The following RABIF variants were observed in gnomAD, a reference collection of about 807,000 sequenced individuals.
RABIF encodes the protein guanine nucleotide exchange factor MSS4.
A neutral mutation model predicts 12.3 loss-of-function variants in RABIF; 13 were observed. The ratio of observed to expected loss-of-function variants is 1.06; its 90% CI spans 0.69 to 1.68. The LOEUF is 1.68. RABIF is among the 40% of genes most tolerant of loss of function. The pLI is 0.00. For synonymous variants in RABIF, 70 were observed against 63.3 expected, an observed-to-expected ratio of 1.11 and a Z score of -0.50; for missense variants, 153 against 158.0, an observed-to-expected ratio of 0.97 and a Z score of 0.17.
At chr1:202,881,795 G>A (rs766724714) in intron 1 of RABIF, among the ~76,000 whole-genome samples, 33 of 152,182 alleles carry the variant, frequency 2.2e-4, no homozygotes, top group Non-Finnish European at 4.6e-4. Flanking sequence ...TAGTTTCCCC[G>A]GCTCATTATG....
chr1:202,888,928 C>T (rs769407612), intron 1 of RABIF, 45 bp downstream of exon 1: 9 of 1,477,766 alleles, frequency 6.1e-6, no homozygotes, highest in Admixed American at 2.6e-5. Context: ...GGCGGCTCGT[C>T]GGGGGAGACT....
At chr1:202,885,686 A>G (rs2102397300) in intron 1 of RABIF, among the ~76,000 whole-genome samples, 1 of 152,392 alleles carries the variant, frequency 6.6e-6, no homozygotes, top group East Asian at 1.9e-4. Context: ...AATGTGTGAC[A>G]CAGAGCAGGG....
chr1:202,884,981 G>A (rs1387319234), intron 1 of RABIF, among the ~76,000 whole-genome samples: 1 of 151,704 alleles, frequency 6.6e-6, no homozygotes, highest in African/African-American at 2.4e-5. Flanking sequence ...CCAGCTACTC[G>A]GGAGGCTGAG....
At chr1:202,887,020 CTA>C (rs1198730734) in intron 1 of RABIF, among the ~76,000 whole-genome samples, 9 of 93,974 alleles carry the variant, frequency 9.6e-5, no homozygotes, top group African/African-American at 6.8e-5. Context: ...CAGGTGTGGG[CTA>C]TGTTTTGTTT....
rs1571503289 is a variant in RABIF, at chr1:202,880,700, G to C, written c.*278C>G. On this transcript the variant is annotated 3_prime_UTR_variant, in exon 2 of 2. Coordinates refer to ENST00000367262, the MANE Select transcript of RABIF (RefSeq NM_002871.5). ...AAAACAGAGCCTAGGGAGAATGCCAGGGAAGAGATGAGATTTTTGGAGGTA... is the reference window on the plus strand; with the variant it reads ...AAAACAGAGCCTAGGGAGAATGCCACGGAAGAGATGAGATTTTTGGAGGTA... 18 of 1,165,878 alleles carry C rather than the reference G, an allele frequency of 1.5e-5. No homozygotes were observed. In the East Asian group the frequency reaches 6.3e-4, roughly 41 times the overall value. The allele number at this position is 1,165,878 out of a possible 1,614,324, so 72.2% of individuals were successfully genotyped here. A position where few individuals can be genotyped will look rare whatever the true frequency, so the allele number is the denominator to read the frequency against.
intron 1 of RABIF, among the ~76,000 whole-genome samples, chr1:202,883,266 A>C (rs1181306763): frequency 6.6e-6 from 1 of 152,154 alleles, no homozygotes; most frequent in Non-Finnish European, 1.5e-5. Context: ...TCCTGGGCTC[A>C]AGCAATCCTC....
intron 1 of RABIF, among the ~76,000 whole-genome samples, chr1:202,886,731 TTTTTTTC>T (rs1297338273): frequency 6.1e-5 from 6 of 98,304 alleles, no homozygotes; most frequent in Non-Finnish European, 1.1e-4. Context: ...CGCGTCTATG[TTTTTTTC>T]TTTTTTCTTT....
intron 1 of RABIF, among the ~76,000 whole-genome samples, chr1:202,884,958 G>A (rs954459355): frequency 7.2e-5 from 11 of 151,740 alleles, no homozygotes; most frequent in Non-Finnish European, 1.5e-5. Context: ...GCATGGTGGG[G>A]GCACCTGTAA....
In RABIF at chr1:202,887,024, G is replaced by GTTTTTTTT. The variant is rs61356068; in HGVS notation, c.126+1948_126+1949insAAAAAAAA. Among the ~76,000 whole-genome samples, 152 of 90,718 alleles carry GTTTTTTTT rather than the reference G, an allele frequency of 1.7e-3. 1 individual carries two copies. Among genetic ancestry groups the GTTTTTTTT allele is most frequent in the African/African-American group, 5.6e-3 (141 of 25,144 alleles). The allele number at this position is 90,718 out of a possible 152,430, so 59.5% of individuals were successfully genotyped here. On this transcript the variant is annotated intron_variant, in intron 1 of 1. Coordinates refer to ENST00000367262, the MANE Select transcript of RABIF (RefSeq NM_002871.5). ...AGCTGGGATTACAGGTGTGGGCTAT[G>GTTTTTTTT]TTTTGTTTTTTTTTTTTTTTTTTAA...
intron 1 of RABIF, among the ~76,000 whole-genome samples, chr1:202,886,381 G>A (rs918949199): frequency 5.3e-5 from 8 of 151,622 alleles, no homozygotes; most frequent in Non-Finnish European, 1.0e-4. Context: ...CCTGCCGGGC[G>A]GAGCGGCTCA....
At chr1:202,885,057 A>G (rs1302433739) in intron 1 of RABIF, among the ~76,000 whole-genome samples, 1 of 148,008 alleles carries the variant, frequency 6.8e-6, no homozygotes, top group Non-Finnish European at 1.5e-5. Flanking sequence ...ACTGCACTCC[A>G]GCCTGGGCAA....
chr1:202,884,324 C>T (rs1371115298), intron 1 of RABIF, among the ~76,000 whole-genome samples: 2 of 152,170 alleles, frequency 1.3e-5, no homozygotes. Context: ...ACAGAGTACA[C>T]TTCTGTTAAC....
At chr1:202,888,164 T>C (rs1324274121) in intron 1 of RABIF, among the ~76,000 whole-genome samples, 2 of 152,222 alleles carry the variant, frequency 1.3e-5, no homozygotes, top group Non-Finnish European at 2.9e-5. Flanking sequence ...TAATTTTGAA[T>C]GATAGGATGT....
At chr1:202,886,637 C>G (rs2102397817) in intron 1 of RABIF, among the ~76,000 whole-genome samples, 1 of 152,256 alleles carries the variant, frequency 6.6e-6, no homozygotes, top group South Asian at 2.1e-4. Context: ...TGGCTCATAC[C>G]TGTAATCCCA....
In RABIF at chr1:202,878,633, T is replaced by C. The variant is rs1404493551; in HGVS notation, c.*2345A>G. On this transcript the variant is annotated 3_prime_UTR_variant, in exon 2 of 2. Transcript: ENST00000367262. Reference sequence around the variant, plus strand: ...ACACCACTGCCCATCTTTGATTCCATGTTTTTGTAAAACAACAGACAATTA... The same window carrying C: ...ACACCACTGCCCATCTTTGATTCCACGTTTTTGTAAAACAACAGACAATTA... Among the ~76,000 whole-genome samples the C allele has an allele frequency of 6.6e-6, 1 of 152,250 alleles. No individual in the cohort carries two copies. Among genetic ancestry groups the C allele is most frequent in the Non-Finnish European group, 1.5e-5 (1 of 68,040 alleles).
Position 202,889,041 on chromosome 1 carries a change from C to T in RABIF, c.58G>A (p.Ala20Thr). The T allele has an allele frequency of 6.2e-7, 1 of 1,610,652 alleles. No individual in the cohort carries two copies. The highest frequency in any genetic ancestry group is 1.1e-5 in the South Asian group (1 of 90,490). The change falls in exon 1 of 2, where the codon GCG (alanine) becomes ACG (threonine). Residue 20 changes from alanine (A) to threonine (T), a missense_variant. Ala to Thr is a moderately conservative substitution (Grantham distance 58). Coordinates refer to ENST00000367262, the MANE Select transcript of RABIF (RefSeq NM_002871.5). ...LVSAEGRNRK[A>T]VLCQRCGSRV... ...GAGCCGCAACGCTGGCACAGCACCGCCTTCCGGTTTCGGCCCTCGGCTGAC... is the reference window on the plus strand; with the variant it reads ...GAGCCGCAACGCTGGCACAGCACCGTCTTCCGGTTTCGGCCCTCGGCTGAC...
intron 1 of RABIF, among the ~76,000 whole-genome samples, chr1:202,886,512 G>A (rs1274499024): frequency 2.6e-5 from 4 of 152,040 alleles, no homozygotes; most frequent in Non-Finnish European, 5.9e-5. Flanking sequence ...CTTGAACCCG[G>A]GAGGAGGAGG....
chr1:202,881,257 T>C, intron 1 of RABIF, 34 bp from the exon 2 acceptor site: 1 of 1,592,580 alleles, frequency 6.3e-7, no homozygotes, highest in Non-Finnish European at 8.6e-7. Context: ...AACGCAGAAG[T>C]TGAACTGGCC....
chr1:202,881,361 G>A (rs947151747), intron 1 of RABIF, 138 bp from the exon 2 acceptor site: 16 of 1,278,352 alleles, frequency 1.3e-5, no homozygotes, highest in African/African-American at 1.0e-4. Flanking sequence ...AGCTGTAGAC[G>A]ATGATGCTGG....
Sources: gnomAD v4.1 joint callset for allele counts (sites outside exome capture counted in the v4.1 genomes callset) on GRCh38, gnomAD v4.1.1 for gene constraint, MANE v1.5 for transcripts, NCBI Gene and HGNC (gene_info 2026-07-23, HGNC 2026-07-21) for gene names.